The following APOB variants were observed in gnomAD, a reference collection of about 807,000 sequenced individuals.
APOB encodes apolipoprotein B-100.
In APOB, 153 loss-of-function variants were observed where a neutral mutation model predicts 314.1. The observed-to-expected ratio is 0.49, with a 90% confidence interval of 0.43 to 0.56. The LOEUF is 0.56. APOB is among the 20% of genes least tolerant of loss of function. APOB has a pLI of 0.00. For missense variants in APOB, 5,430 were observed against 5,350.7 expected (o/e 1.01, Z -0.46); for synonymous variants, 2,087 against 2,036.4 (o/e 1.02, Z -0.67).
chr2:21,030,667 C>A (rs1464999614), intron 10 of APOB, among the ~76,000 whole-genome samples: 2 of 152,112 alleles, frequency 1.3e-5, no homozygotes, highest in Non-Finnish European at 2.9e-5. Context: ...TGGTAACCTG[C>A]AGAATGGGAG....
chr2:21,019,112 A>C lies in APOB; in HGVS notation c.3001T>G (p.Leu1001Val), dbSNP rs1663540113. 1 of 1,614,022 alleles carries C rather than the reference A, an allele frequency of 6.2e-7. No individual in the cohort carries two copies. ...SYYPLTGDTR[L>V]ELELRPTGEI... ...CCTGTAGGCCTCAGTTCCAGCTCTA[A>C]TCTAAAGACATTACAATGAAGACAG... is the stretch of plus-strand genomic sequence containing the variant. The change falls in exon 20 of 29, where the codon TTA becomes GTA. Residue 1001 changes from leucine to valine, a missense_variant and splice_region_variant. Physicochemically the swap from Leu to Val is conservative, Grantham distance 32 (BLOSUM62 1). Transcript: ENST00000233242.
chr2:21,015,440 C>A lies in APOB; in HGVS notation c.3438G>T (p.Leu1146=). 1 of 1,614,168 alleles carries A rather than the reference C, an allele frequency of 6.2e-7. No homozygotes were observed. Among genetic ancestry groups the A allele is most frequent in the Non-Finnish European group, 8.5e-7 (1 of 1,180,052 alleles). ...EILAHWSPAK[L]LLQMDSSATA... is the part of the protein sequence containing the mutation. ...TAGCAGATGAGTCCATTTGGAGAAGCAGTTTGGCAGGCGACCAGTGGGCGA... is the reference window on the plus strand; with the variant it reads ...TAGCAGATGAGTCCATTTGGAGAAGAAGTTTGGCAGGCGACCAGTGGGCGA... The change falls in exon 22 of 29, where the codon CTG becomes CTT. Residue 1146 remains leucine (L), a synonymous_variant. Coordinates refer to ENST00000233242, the MANE Select transcript of APOB (RefSeq NM_000384.3).
At chr2:21,033,924 A>G (rs183829684) in intron 8 of APOB, among the ~76,000 whole-genome samples, 2 of 152,328 alleles carry the variant, frequency 1.3e-5, no homozygotes, top group East Asian at 1.9e-4. Flanking sequence ...AGGTAGAGCT[A>G]AAGTGGAATC....
At position 21,012,518 on chromosome 2, in the gene APOB, T is replaced by C. The variant is rs748790692; in HGVS notation, c.4350A>G (p.Lys1450=). 1 of 1,614,116 alleles carries C rather than the reference T, an allele frequency of 6.2e-7. No homozygotes were observed. Among genetic ancestry groups the C allele is most frequent in the Middle Eastern group, 1.6e-4 (1 of 6,084 alleles). Residue 1450 remains lysine, a synonymous_variant, in exon 26 of 29, where the codon AAA becomes AAG. Coordinates refer to ENST00000233242, the MANE Select transcript of APOB (RefSeq NM_000384.3). ...TAGATGCATCGAATATTAGTAAACC[T>C]TTTGAGACTGGGTTGTTTCCAAGTT... ...VEKLGNNPVS[K]GLLIFDASSS...
intron 4 of APOB, among the ~76,000 whole-genome samples, chr2:21,039,478 C>T (rs933834446): frequency 2.0e-5 from 3 of 152,168 alleles, no homozygotes; most frequent in Non-Finnish European, 4.4e-5. Context: ...TGGCTGCAGC[C>T]ACTCTGGTTA....
At chr2:21,018,298 A>C (rs12720823) in intron 20 of APOB, among the ~76,000 whole-genome samples, 2,846 of 152,270 alleles carry the variant, frequency 0.019, 82 homozygotes, top group African/African-American at 0.062. Context: ...TTTTCTCAAC[A>C]TAAACATAAA....
rs539824713 is a variant in APOB, at chr2:21,004,422, G to A, written c.11934C>T (p.Ile3978=). Residue 3978 remains isoleucine, a synonymous_variant, in exon 28 of 29, where the codon ATC becomes ATT. Coordinates refer to ENST00000233242, the MANE Select transcript of APOB (RefSeq NM_000384.3). ...QEWEGKAHLN[I]KSPAFTDLHL... ...GGAGATCGGTGAACGCTGGGCTTTTGATATTGAGGTGCGCTTTTCCTTCCC... is the reference window on the plus strand; with the variant it reads ...GGAGATCGGTGAACGCTGGGCTTTTAATATTGAGGTGCGCTTTTCCTTCCC... 16 of 1,614,020 alleles carry A rather than the reference G, an allele frequency of 9.9e-6. No individual in the cohort carries two copies. The East Asian group carries it at 3.6e-4, about 36-fold the overall frequency.
chr2:21,012,025 G>A lies in APOB; in HGVS notation c.4843C>T (p.Leu1615Phe). ...CCATGGGAATTTAGTGATCCAGAAA[G>A]CAGGCTGAAGAACCTCAATGACTCG... ...DYESLRFFSL[L>F]SGSLNSHGLE... Residue 1615 changes from leucine (L) to phenylalanine (F), a missense_variant, in exon 26 of 29, where the codon CTT (leucine) becomes TTT (phenylalanine). Coordinates refer to ENST00000233242, the MANE Select transcript of APOB (RefSeq NM_000384.3). The A allele has an allele frequency of 6.2e-7, 1 of 1,614,226 alleles. No homozygotes were observed. The highest frequency in any genetic ancestry group is 8.5e-7 in the Non-Finnish European group (1 of 1,180,046).
chr2:21,011,952 C>G lies in APOB; in HGVS notation c.4916G>C (p.Gly1639Ala). 6.2e-7 allele frequency: 1 copy of G among 1,614,044 alleles called. No homozygotes were observed. Among genetic ancestry groups the G allele is most frequent in the Non-Finnish European group, 8.5e-7 (1 of 1,180,036 alleles). ...DILGTDKINSGAHKATLRIGQ... is the reference protein window; with the variant it reads ...DILGTDKINSAAHKATLRIGQ... ...AATCCTTAGTGTCGCCTTGTGAGCA[C>G]CACTATTAATTTTGTCAGTGCCTAA... The change falls in exon 26 of 29, where the codon GGT becomes GCT. Residue 1639 changes from glycine (G) to alanine (A), a missense_variant. Transcript: ENST00000233242.
Position 21,011,805 on chromosome 2 carries a change from C to G in APOB, c.5063G>C (p.Gly1688Ala). 1 of 1,614,100 alleles carries G rather than the reference C, an allele frequency of 6.2e-7. No homozygotes were observed. The highest frequency in any genetic ancestry group is 1.1e-5 in the South Asian group (1 of 91,068). ...TTTTGCATTGTGTTCCCTGAAGCGG[C>G]CATTTGTTGTTAATTTCATAGATGC... Reference protein sequence around the residue: ...SGASMKLTTNGRFREHNAKFS... With the variant: ...SGASMKLTTNARFREHNAKFS... Residue 1688 changes from glycine to alanine, a missense_variant, in exon 26 of 29, where the codon GGC becomes GCC. Gly to Ala is a moderately conservative substitution (Grantham distance 60, BLOSUM62 0). Coordinates refer to ENST00000233242, the MANE Select transcript of APOB (RefSeq NM_000384.3).
intron 18 of APOB, 42 bp from the exon 19 acceptor site, chr2:21,019,947 A>C (rs1375884493): frequency 6.3e-7 from 1 of 1,596,964 alleles, no homozygotes; most frequent in Non-Finnish European, 8.6e-7. Flanking sequence ...CCAAGTCATG[A>C]ATCAAAATGG....
rs1663329388 is a variant in APOB at position 21,011,810 on chromosome 2, T to C, written c.5058A>G (p.Thr1686=). 6.2e-7 allele frequency: 1 copy of C among 1,614,040 alleles called. No homozygotes were observed. The highest frequency in any genetic ancestry group is 1.3e-5 in the African/African-American group (1 of 74,926). ...CATTGTGTTCCCTGAAGCGGCCATT[T>C]GTTGTTAATTTCATAGATGCCCCAG... ...GLSGASMKLT[T]NGRFREHNAK... is the part of the protein sequence containing the mutation. Residue 1686 remains threonine (T), a synonymous_variant, in exon 26 of 29, where the codon ACA becomes ACG. Transcript: ENST00000233242.
chr2:21,003,354 A>T lies in APOB; in HGVS notation c.12088-20T>A. ...AGAGGACTAAACAGAGAGAAAAAAA[A>T]AAATAACATGTTTTCAATTACTCCA... On this transcript the variant is annotated intron_variant, in intron 28 of 28. Transcript: ENST00000233242. 1 of 1,604,088 alleles carries T rather than the reference A, an allele frequency of 6.2e-7. No homozygotes were observed.
chr2:21,018,231 C>T (rs1043198692), intron 20 of APOB, among the ~76,000 whole-genome samples: 1 of 152,220 alleles, frequency 6.6e-6, no homozygotes, highest in Non-Finnish European at 1.5e-5. Flanking sequence ...CTGATTCCTG[C>T]CTGGATTATT....
In APOB at chr2:21,016,581, C is replaced by A; in HGVS notation, c.3190G>T (p.Val1064Phe). ...NRQSMTLSSE[V>F]QIPDFDVDLG... ...TCAACATCAAAATCCGGAATTTGGA[C>A]TTCACTGGACAAGGTCATACTCTGC... is the stretch of plus-strand genomic sequence containing the variant. The change falls in exon 21 of 29, where the codon GTC becomes TTC. Residue 1064 changes from valine (V) to phenylalanine (F), a missense_variant. Val to Phe is a conservative substitution (Grantham distance 50). Coordinates refer to ENST00000233242, the MANE Select transcript of APOB (RefSeq NM_000384.3). The A allele has an allele frequency of 1.2e-6, 2 of 1,612,440 alleles. No homozygotes were observed. Among genetic ancestry groups the A allele is most frequent in the Non-Finnish European group, 1.7e-6 (2 of 1,178,474 alleles).
At position 21,006,360 on chromosome 2, in the gene APOB, G is replaced by A. The variant is rs375284245; in HGVS notation, c.10508C>T (p.Ser3503Leu). ...TCCTGAATATTCCCGAGAAAGAACC[G>A]AACCCTTGACATCTCCTTTGGTAGA... ...ESSTKGDVKG[S>L]VLSREYSGTI... The change falls in exon 26 of 29, where the codon TCG becomes TTG. Residue 3503 changes from serine (S) to leucine (L), a missense_variant. Physicochemically the swap from Ser to Leu is moderately radical, Grantham distance 145. Coordinates refer to ENST00000233242, the MANE Select transcript of APOB (RefSeq NM_000384.3). The A allele has an allele frequency of 5.1e-5, 82 of 1,613,880 alleles. No individual in the cohort carries two copies. The highest frequency in any genetic ancestry group is 6.7e-5 in the African/African-American group (5 of 74,916).
At position 21,024,945 on chromosome 2, in the gene APOB, C is replaced by A; in HGVS notation, c.2424G>T (p.Gly808=). The A allele has an allele frequency of 6.2e-7, 1 of 1,614,012 alleles. No homozygotes were observed. The highest frequency in any genetic ancestry group is 8.5e-7 in the Non-Finnish European group (1 of 1,180,002). Residue 808 remains glycine (G), a synonymous_variant, in exon 16 of 29, where the codon GGG becomes GGT. Transcript: ENST00000233242. The part of the protein sequence containing the change: ...LLLMGARTLQ[G]IPQMIGEVIR... ...CCTGCTGACTTACCATCTGGGGGAT[C>A]CCCTGCAGAGTGCGGGCACCCATCA...
chr2:21,013,567 T>G, intron 24 of APOB, 34 bp from the exon 25 acceptor site: 17 of 1,613,334 alleles, frequency 1.1e-5, no homozygotes, highest in Non-Finnish European at 1.4e-5. Flanking sequence ...ATCCCCACAG[T>G]CAGACATCAG....
At chr2:21,032,025 A>T (rs1391560150) in intron 10 of APOB, among the ~76,000 whole-genome samples, 2 of 152,230 alleles carry the variant, frequency 1.3e-5, no homozygotes, top group African/African-American at 2.4e-5. Flanking sequence ...GAATTAATGG[A>T]TGGATGTATA....
Sources: gnomAD v4.1 joint callset for allele counts (sites outside exome capture counted in the v4.1 genomes callset) on GRCh38, gnomAD v4.1.1 for gene constraint, MANE v1.5 for transcripts, NCBI Gene and HGNC (gene_info 2026-07-23, HGNC 2026-07-21) for gene names.